The following ANKDD1A variants were observed in gnomAD, a reference collection of about 807,000 sequenced individuals.
ANKDD1A encodes ankyrin repeat and death domain containing 1A.
A neutral mutation model predicts 63.5 loss-of-function variants in ANKDD1A; 59 were observed. The observed-to-expected ratio is 0.93, with a 90% CI of 0.75 to 1.15. The LOEUF (loss-of-function observed/expected upper bound fraction) is 1.15, where lower values mean the gene tolerates loss of function less well. ANKDD1A is among the 50% of genes most tolerant of loss of function. The probability of loss-of-function intolerance (pLI) is 0.00; values close to 1 mark genes in which losing one functional copy is unlikely to be tolerated. For missense variants in ANKDD1A, 632 were observed against 656.4 expected, an observed-to-expected ratio of 0.96 and a Z score of 0.41; for synonymous variants, 266 against 263.9, an observed-to-expected ratio of 1.01 and a Z score of -0.08.
intron 4 of ANKDD1A, among the ~76,000 whole-genome samples, chr15:64,922,922 T>C (rs2085017859): frequency 6.6e-6 from 1 of 152,262 alleles, no homozygotes; most frequent in African/African-American, 2.4e-5. Context: ...TATCTTAAAA[T>C]ACTTCTTACA....
At chr15:64,915,047 G>A (rs62012356) in intron 1 of ANKDD1A, among the ~76,000 whole-genome samples, 2,459 of 152,330 alleles carry the variant, frequency 0.016, 30 homozygotes, top group Middle Eastern at 0.031. Context: ...GCTCACGCCC[G>A]TAATCCCAGC....
At chr15:64,927,698 G>A (rs1215107655) in intron 6 of ANKDD1A, among the ~76,000 whole-genome samples, 3 of 148,262 alleles carry the variant, frequency 2.0e-5, no homozygotes, top group Non-Finnish European at 4.4e-5. Flanking sequence ...TCCGCCTCCC[G>A]GGTTCACACC....
chr15:64,937,624 A>T (rs921074640), intron 9 of ANKDD1A, among the ~76,000 whole-genome samples: 2 of 152,142 alleles, frequency 1.3e-5, no homozygotes, highest in Non-Finnish European at 2.9e-5. Flanking sequence ...GCTATTCAGG[A>T]GGCTGAGGCA....
At chr15:64,952,083 CT>C (rs1323368315) in intron 14 of ANKDD1A, among the ~76,000 whole-genome samples, 283 of 4,100 alleles carry the variant, frequency 0.069, 1 homozygote, top group East Asian at 0.14. Context: ...CTTCTTCCTT[CT>C]TTTCTTCCTC....
At chr15:64,943,663 C>A in intron 11 of ANKDD1A, 81 bp downstream of exon 11, 1 of 1,022,844 alleles carries the variant, frequency 9.8e-7, no homozygotes, top group Non-Finnish European at 1.4e-6. Context: ...ATGCCCCCTC[C>A]CTCCTCCTTC....
At chr15:64,954,932 T>TTGTC (rs1555398209) in intron 14 of ANKDD1A, among the ~76,000 whole-genome samples, 4 of 149,568 alleles carry the variant, frequency 2.7e-5, no homozygotes, top group Non-Finnish European at 5.9e-5. Context: ...CTTCTTCTCC[T>TTGTC]TCTTCTTGTC....
intron 9 of ANKDD1A, among the ~76,000 whole-genome samples, chr15:64,938,802 G>A (rs1403730476): frequency 1.3e-5 from 2 of 151,796 alleles, no homozygotes; most frequent in South Asian, 2.1e-4. Flanking sequence ...AAAATTAGCC[G>A]GGTGTGGTGG....
chr15:64,942,243 C>T (rs2085189766), intron 9 of ANKDD1A, among the ~76,000 whole-genome samples: 2 of 152,124 alleles, frequency 1.3e-5, no homozygotes, highest in Non-Finnish European at 2.9e-5. Context: ...GCAGGTCTCA[C>T]CCTTGGGTCT....
At chr15:64,934,835 A>C (rs1347747371) in intron 9 of ANKDD1A, among the ~76,000 whole-genome samples, 1 of 151,890 alleles carries the variant, frequency 6.6e-6, no homozygotes, top group Non-Finnish European at 1.5e-5. Flanking sequence ...GGGTTTTACT[A>C]TTAATCTTTT....
chr15:64,955,591 G>A (rs2085410467), intron 14 of ANKDD1A, among the ~76,000 whole-genome samples: 1 of 152,120 alleles, frequency 6.6e-6, no homozygotes, highest in Admixed American at 6.6e-5. Context: ...AAATATATCT[G>A]TGCAGGATAG....
chr15:64,952,564 C>T (rs1015374763), intron 14 of ANKDD1A, among the ~76,000 whole-genome samples: 9 of 111,216 alleles, frequency 8.1e-5, no homozygotes, highest in African/African-American at 2.6e-4. Flanking sequence ...CCTTCTCCTT[C>T]GTTCTTCTTC....
chr15:64,944,227 ACTGT>A (rs544545647), intron 11 of ANKDD1A, among the ~76,000 whole-genome samples: 389 of 152,286 alleles, frequency 2.6e-3, no homozygotes, highest in Middle Eastern at 3.4e-3. Flanking sequence ...TGTGGAGGTA[ACTGT>A]CTGGGAGGCC....
chr15:64,950,951 C>A (rs900919186), intron 14 of ANKDD1A: 22 of 1,270,180 alleles, frequency 1.7e-5, no homozygotes, highest in African/African-American at 4.6e-5. Context: ...TTGTTTTTAA[C>A]AGAAAATATC....
intron 6 of ANKDD1A, among the ~76,000 whole-genome samples, chr15:64,929,757 G>A (rs1469345001): frequency 6.6e-6 from 1 of 152,108 alleles, no homozygotes; most frequent in Non-Finnish European, 1.5e-5. Context: ...CCCTATTCTA[G>A]GCACTTAAGG....
chr15:64,920,816 T>C (rs2140366428), intron 3 of ANKDD1A, among the ~76,000 whole-genome samples: 1 of 150,890 alleles, frequency 6.6e-6, no homozygotes, highest in Non-Finnish European at 1.5e-5. Context: ...TCCCAAAGTG[T>C]TGAGATTACA....
chr15:64,954,353 CTCTTCT>C (rs1218429421), intron 14 of ANKDD1A, among the ~76,000 whole-genome samples: 1 of 145,086 alleles, frequency 6.9e-6, no homozygotes, highest in Non-Finnish European at 1.5e-5. Flanking sequence ...TCTCCTTCTT[CTCTTCT>C]TCTCCTTCTT....
At chr15:64,930,357 A>G (rs1289848519) in intron 6 of ANKDD1A, among the ~76,000 whole-genome samples, 1 of 151,776 alleles carries the variant, frequency 6.6e-6, no homozygotes, top group East Asian at 1.9e-4. Flanking sequence ...GAAAAGCAGG[A>G]CCCAAAAATA....
chr15:64,956,727 T>A (rs561728735), intron 14 of ANKDD1A, among the ~76,000 whole-genome samples: 14 of 152,214 alleles, frequency 9.2e-5, no homozygotes, highest in African/African-American at 3.4e-4. Context: ...GGCTAATTTT[T>A]GTATTTTTAG....
At chr15:64,948,324 CAT>C (rs1334611631) in intron 13 of ANKDD1A, among the ~76,000 whole-genome samples, 4 of 152,122 alleles carry the variant, frequency 2.6e-5, no homozygotes, top group African/African-American at 4.8e-5. Context: ...GAAAAAGTAT[CAT>C]ATAAATATCA....
Sources: gnomAD v4.1 joint callset for allele counts (sites outside exome capture counted in the v4.1 genomes callset) on GRCh38, gnomAD v4.1.1 for gene constraint, MANE v1.5 for transcripts, NCBI Gene and HGNC (gene_info 2026-07-23, HGNC 2026-07-21) for gene names.